The following ESRRG variants were observed in gnomAD, a reference collection of about 807,000 sequenced individuals.
The protein encoded by ESRRG is estrogen-related receptor gamma.
A neutral mutation model predicts 44.0 loss-of-function variants in ESRRG; 13 were observed. The observed-to-expected ratio is 0.30, with a 90% CI of 0.19 to 0.47. ESRRG has a LOEUF of 0.47. Among genes scored for constraint, ESRRG ranks in the 20% least tolerant of loss-of-function variants. ESRRG has a pLI of 1.00. For synonymous variants in ESRRG, 215 were observed against 214.6 expected (o/e 1.00, Z -0.02); for missense variants, 395 against 580.6 (o/e 0.68, Z 3.29).
chr1:216,567,907 G>A (rs1248761486), intron 4 of ESRRG, 81 bp downstream of exon 4: 1 of 848,214 alleles, frequency 1.2e-6, no homozygotes, highest in Admixed American at 1.8e-5. Flanking sequence ...CAGTAGGGAT[G>A]GGCATGCCAA....
At chr1:216,875,788 G>A (rs1000676933) in intron 2 of ESRRG, among the ~76,000 whole-genome samples, 1 of 152,130 alleles carries the variant, frequency 6.6e-6, no homozygotes. Flanking sequence ...AAGTGAAATT[G>A]CTGGGTCACA....
At chr1:216,958,887 G>A (rs899721275) in intron 1 of ESRRG, among the ~76,000 whole-genome samples, 3 of 152,060 alleles carry the variant, frequency 2.0e-5, no homozygotes, top group Non-Finnish European at 2.9e-5. Flanking sequence ...CCACCTGCCT[G>A]TTTTCTCACT....
At position 216,568,047 on chromosome 1, in the gene ESRRG, A is replaced by T; in HGVS notation, c.641T>A (p.Ile214Lys). 1 of 1,613,926 alleles carries T rather than the reference A, an allele frequency of 6.2e-7. No individual in the cohort carries two copies. The highest frequency in any genetic ancestry group is 8.5e-7 in the Non-Finnish European group (1 of 1,179,860). Reference sequence around the variant, plus strand: ...CAGGTATGGGCTGTTCTCCGCATCTATCCTGCGCTTGTACTTCTGCCGACC... The same window carrying T: ...CAGGTATGGGCTGTTCTCCGCATCTTTCCTGCGCTTGTACTTCTGCCGACC... Reference protein sequence around the residue: ...RGGRQKYKRRIDAENSPYLNP... With the variant: ...RGGRQKYKRRKDAENSPYLNP... Residue 214 changes from isoleucine (I) to lysine (K), a missense_variant, in exon 4 of 7, where the codon ATA (isoleucine) becomes AAA (lysine). This residue lies in a region of ESRRG where 37 missense variants were observed against 32.9 expected (regional missense o/e 1.13). Coordinates refer to ENST00000408911, the MANE Select transcript of ESRRG (RefSeq NM_001438.4).
At chr1:216,552,267 T>A (rs149435892) in intron 5 of ESRRG, among the ~76,000 whole-genome samples, 9 of 152,248 alleles carry the variant, frequency 5.9e-5, no homozygotes, top group African/African-American at 2.2e-4. Context: ...TTTAAATATC[T>A]AATACTATGC....
chr1:216,557,174 A>G (rs1242441542), intron 5 of ESRRG, among the ~76,000 whole-genome samples: 1 of 152,200 alleles, frequency 6.6e-6, no homozygotes, highest in Non-Finnish European at 1.5e-5. Context: ...TGTTTAAAAT[A>G]CACTCTTGTC....
At chr1:217,124,074 T>G (rs2092859402) in intron 1 of ESRRG, among the ~76,000 whole-genome samples, 1 of 152,180 alleles carries the variant, frequency 6.6e-6, no homozygotes, top group African/African-American at 2.4e-5. Context: ...AGATGTTGGT[T>G]TGATATAACA....
intron 1 of ESRRG, among the ~76,000 whole-genome samples, chr1:217,026,161 C>T (rs1282776460): frequency 1.3e-5 from 2 of 152,154 alleles, no homozygotes; most frequent in Non-Finnish European, 2.9e-5. Context: ...TGATTTAATT[C>T]CTGTCTGAGT....
At chr1:216,866,535 A>G (rs149036766) in intron 2 of ESRRG, among the ~76,000 whole-genome samples, 1 of 151,402 alleles carries the variant, frequency 6.6e-6, no homozygotes, top group Non-Finnish European at 1.5e-5. Context: ...ATATCTCATG[A>G]TATCTTTATC....
chr1:216,590,588 C>G (rs2057481851), intron 3 of ESRRG, among the ~76,000 whole-genome samples: 1 of 152,118 alleles, frequency 6.6e-6, no homozygotes, highest in Admixed American at 6.5e-5. Flanking sequence ...TTACGAAGGA[C>G]ATTAATATGC....
intron 1 of ESRRG, among the ~76,000 whole-genome samples, chr1:217,025,402 C>T (rs1262804511): frequency 6.6e-6 from 1 of 151,892 alleles, no homozygotes; most frequent in East Asian, 1.9e-4. Context: ...TGGCTATTTT[C>T]TGTACCTCTA....
chr1:217,103,080 G>T (rs1580581658), intron 1 of ESRRG, among the ~76,000 whole-genome samples: 1 of 152,168 alleles, frequency 6.6e-6, no homozygotes, highest in Non-Finnish European at 1.5e-5. Context: ...AGGGGTTTAG[G>T]TACCCAGTCT....
intron 2 of ESRRG, among the ~76,000 whole-genome samples, chr1:216,653,951 CAA>C (rs5780901): frequency 7.0e-6 from 1 of 142,446 alleles, no homozygotes; most frequent in Non-Finnish European, 1.5e-5. Flanking sequence ...CCATCTCTAC[CAA>C]AAAAAAAAAA....
chr1:217,039,315 T>C (rs2083435529), intron 1 of ESRRG, among the ~76,000 whole-genome samples: 1 of 152,202 alleles, frequency 6.6e-6, no homozygotes, highest in African/African-American at 2.4e-5. Flanking sequence ...TGGTACCATT[T>C]TACTGTATTA....
chr1:216,916,995 T>C (rs533828296), intron 2 of ESRRG, among the ~76,000 whole-genome samples: 10 of 151,206 alleles, frequency 6.6e-5, no homozygotes, highest in Non-Finnish European at 1.5e-4. Context: ...TTCATCTTAC[T>C]GGTGGTTGCT....
chr1:216,513,048 A>G (rs2043173533), intron 6 of ESRRG, among the ~76,000 whole-genome samples: 1 of 152,192 alleles, frequency 6.6e-6, no homozygotes, highest in South Asian at 2.1e-4. Flanking sequence ...ACCTAGTGAA[A>G]CTGATCGACG....
chr1:216,525,063 G>T (rs555856216), intron 5 of ESRRG, among the ~76,000 whole-genome samples: 99 of 152,276 alleles, frequency 6.5e-4, no homozygotes, highest in African/African-American at 2.2e-3. Flanking sequence ...GTGGTGAAAT[G>T]CTTTCTTTAG....
intron 2 of ESRRG, among the ~76,000 whole-genome samples, chr1:216,830,594 A>G (rs2095472304): frequency 6.6e-6 from 1 of 152,104 alleles, no homozygotes; most frequent in Admixed American, 6.5e-5. Flanking sequence ...AGCCTCAGAA[A>G]CTGCAGGTTG....
At chr1:216,869,524 G>A (rs908214113) in intron 2 of ESRRG, among the ~76,000 whole-genome samples, 1 of 152,036 alleles carries the variant, frequency 6.6e-6, no homozygotes, top group East Asian at 1.9e-4. Context: ...GTTCAGTTAT[G>A]CTAGCTCCTT....
intron 2 of ESRRG, among the ~76,000 whole-genome samples, chr1:216,758,307 CATTAGCG>C (rs1478423522): frequency 2.0e-5 from 3 of 152,044 alleles, no homozygotes; most frequent in African/African-American, 7.2e-5. Context: ...TGTTTAATGT[CATTAGCG>C]ATTGTTTCAT....
Sources: gnomAD v4.1 joint callset for allele counts (sites outside exome capture counted in the v4.1 genomes callset) on GRCh38, gnomAD v4.1.1 for gene constraint, gnomAD v4.1.1 regional missense constraint, MANE v1.5 for transcripts, NCBI Gene and HGNC (gene_info 2026-07-23, HGNC 2026-07-21) for gene names.